PNPLA1: variants seen among roughly 807,000 people sequenced by gnomAD.
PNPLA1 encodes patatin like domain 1, omega-hydroxyceramide transacylase.
A neutral mutation model predicts 51.7 loss-of-function variants in PNPLA1; 36 were observed. The observed-to-expected ratio is 0.70, with a 90% CI of 0.53 to 0.92. The LOEUF (loss-of-function observed/expected upper bound fraction) is 0.92, where lower values mean the gene tolerates loss of function less well. Among genes scored for constraint, PNPLA1 ranks in the 40% least tolerant of loss-of-function variants. The pLI, the probability that PNPLA1 is intolerant of heterozygous loss-of-function variation, is 0.00. For missense variants in PNPLA1, 658 were observed against 682.5 expected, an observed-to-expected ratio of 0.96 and a Z score of 0.40; for synonymous variants, 293 against 280.1, an observed-to-expected ratio of 1.05 and a Z score of -0.46.
rs1451824406 is a variant in PNPLA1 at position 36,300,174 on chromosome 6, T to TGAGAGA, written c.776-1686_776-1685insAGAGAG. Among the ~76,000 whole-genome samples the TGAGAGA allele has an allele frequency of 9.6e-3, 687 of 71,416 alleles. 6 individuals carry two copies. Among genetic ancestry groups the TGAGAGA allele is most frequent in the African/African-American group, 0.019 (483 of 25,620 alleles). The allele number at this position is 71,416 out of a possible 152,430, so 46.9% of individuals were successfully genotyped here. ...CTTTTCTTATTCTTGTGTGTGTGTGTGTGTGAGAGAGAGAGAGAGAGAGAG... is the reference window on the plus strand; with the variant it reads ...CTTTTCTTATTCTTGTGTGTGTGTGTGAGAGAGTGTGAGAGAGAGAGAGAGAGAGAG... On this transcript the variant is annotated intron_variant, in intron 5 of 8. Transcript: ENST00000636260.
intron 1 of PNPLA1, among the ~76,000 whole-genome samples, chr6:36,280,263 T>C (rs58483070): frequency 4.6e-5 from 7 of 152,112 alleles, no homozygotes; most frequent in African/African-American, 1.7e-4. Flanking sequence ...GCAATGTTTT[T>C]CATGGTAATT....
At chr6:36,311,349 C>T (rs1245175731) in intron 8 of PNPLA1, among the ~76,000 whole-genome samples, 1 of 152,034 alleles carries the variant, frequency 6.6e-6, no homozygotes, top group Non-Finnish European at 1.5e-5. Flanking sequence ...ACGGGATGGC[C>T]CAGAACAAGG....
chr6:36,245,165 G>C lies in PNPLA1; in HGVS notation c.-81+1904G>C, dbSNP rs568278351. Among the ~76,000 whole-genome samples the C allele has an allele frequency of 1.3e-3, 204 of 152,266 alleles. 1 individual carries two copies. Among genetic ancestry groups the C allele is most frequent in the Admixed American group, 3.7e-3 (56 of 15,294 alleles). ...AAGGAATGTTGAGCTCTGGCCTGTG[G>C]GTGTGACTTCCTCCAGGCCCCTCAG... On this transcript the variant is annotated intron_variant, in intron 1 of 7. Coordinates refer to the PNPLA1 transcript ENST00000312917.
intron 1 of PNPLA1, among the ~76,000 whole-genome samples, chr6:36,288,160 C>T (rs914322577): frequency 1.5e-4 from 23 of 152,216 alleles, no homozygotes; most frequent in African/African-American, 5.5e-4. Flanking sequence ...GGAATTTATC[C>T]TAAGGAAAAT....
At chr6:36,250,518 G>A (rs760865629) in intron 1 of PNPLA1, among the ~76,000 whole-genome samples, 24 of 152,178 alleles carry the variant, frequency 1.6e-4, no homozygotes, top group Non-Finnish European at 1.8e-4. Flanking sequence ...GCCAATGATA[G>A]TTGGGCATCT....
chr6:36,309,554 G>A (rs1209279769), intron 8 of PNPLA1, among the ~76,000 whole-genome samples: 1 of 152,200 alleles, frequency 6.6e-6, no homozygotes, highest in Non-Finnish European at 1.5e-5. Context: ...AGCGGGAACT[G>A]TGCAATTCAG....
intron 6 of PNPLA1, among the ~76,000 whole-genome samples, chr6:36,303,516 T>C (rs1268382874): frequency 3.3e-5 from 5 of 152,174 alleles, no homozygotes; most frequent in African/African-American, 1.2e-4. Context: ...GCAGAGGAGA[T>C]AACAGGGATA....
intron 1 of PNPLA1, among the ~76,000 whole-genome samples, chr6:36,260,129 C>T (rs985615398): frequency 1.3e-5 from 2 of 151,908 alleles, no homozygotes; most frequent in African/African-American, 4.8e-5. Flanking sequence ...CCCATCTCTA[C>T]AAAAAATTAA....
chr6:36,282,188 AGAAAGAAG>A lies in PNPLA1; in HGVS notation c.206-9128_206-9121del, dbSNP rs1432073780. ...GAAAGAAAGAGACAGAGAGAAAGAAAGAAAGAAGGAAGGAAGGAAGGAAGGGAAGGAAG... is the reference window on the plus strand; with the variant it reads ...GAAAGAAAGAGACAGAGAGAAAGAAAGAAGGAAGGAAGGAAGGGAAGGAAG... On this transcript the variant is annotated intron_variant, in intron 1 of 8. Coordinates refer to ENST00000636260, the MANE Select transcript of PNPLA1 (RefSeq NM_001374623.1). Among the ~76,000 whole-genome samples the A allele has an allele frequency of 5.8e-4, 36 of 61,782 alleles. 1 individual carries two copies. Among genetic ancestry groups the A allele is most frequent in the African/African-American group, 1.5e-3 (33 of 21,966 alleles). The allele number at this position is 61,782 out of a possible 152,430, so 40.5% of individuals were successfully genotyped here. A position where few individuals can be genotyped will look rare whatever the true frequency, so the allele number is the denominator to read the frequency against.
intron 1 of PNPLA1, among the ~76,000 whole-genome samples, chr6:36,288,666 G>A (rs1460699731): frequency 1.3e-5 from 2 of 151,674 alleles, no homozygotes; most frequent in African/African-American, 4.8e-5. Flanking sequence ...CACCTTGTTA[G>A]CCAGGATGGT....
intron 1 of PNPLA1, among the ~76,000 whole-genome samples, chr6:36,279,432 G>T (rs1770209871): frequency 6.6e-6 from 1 of 152,208 alleles, no homozygotes. Context: ...GTGTATTCTG[G>T]TCCACTGGGG....
chr6:36,278,840 C>A (rs1389902773), intron 1 of PNPLA1, among the ~76,000 whole-genome samples: 1 of 152,128 alleles, frequency 6.6e-6, no homozygotes, highest in Admixed American at 6.5e-5. Context: ...TGGCAGTGAG[C>A]AAAGCAGTGG....
chr6:36,285,261 C>T (rs1467911), intron 1 of PNPLA1, among the ~76,000 whole-genome samples: 2 of 152,210 alleles, frequency 1.3e-5, no homozygotes, highest in Non-Finnish European at 2.9e-5. Flanking sequence ...CCCCCTGCTT[C>T]CCGCGCGCCC....
rs191487910 is a variant in PNPLA1, at chr6:36,293,010, C to T, written c.439-51C>T. The T allele has an allele frequency of 9.3e-5, 141 of 1,520,292 alleles. No homozygotes were observed. The African/African-American group carries it at 1.7e-3, about 19-fold the overall frequency. The allele number at this position is 1,520,292 out of a possible 1,614,324, so 94.2% of individuals were successfully genotyped here. On this transcript the variant is annotated intron_variant, in intron 2 of 8. Transcript: ENST00000636260. ...CCCAGGGGCTGACAGGTGAGCTGTCCCCACCCCACCCCCGGGCCTCCAGCA... is the reference window on the plus strand; with the variant it reads ...CCCAGGGGCTGACAGGTGAGCTGTCTCCACCCCACCCCCGGGCCTCCAGCA...
At chr6:36,260,976 A>C (rs1011309668) in intron 1 of PNPLA1, among the ~76,000 whole-genome samples, 3 of 152,082 alleles carry the variant, frequency 2.0e-5, no homozygotes, top group Non-Finnish European at 4.4e-5. Flanking sequence ...GGCATGCACC[A>C]CCACACCCGG....
At chr6:36,297,188 T>C (rs1346418054) in intron 5 of PNPLA1, among the ~76,000 whole-genome samples, 1 of 152,134 alleles carries the variant, frequency 6.6e-6, no homozygotes, top group African/African-American at 2.4e-5. Flanking sequence ...TAGGAACAGA[T>C]ACAACTCCTA....
At position 36,312,446 on chromosome 6, in the gene PNPLA1, G is replaced by A. The variant is rs1771427489; in HGVS notation, c.*560G>A. ...TTGAGATTTCCAATTTCCATGCATT[G>A]GCTATAACAGGCCTGGCTACCTGCT... On this transcript the variant is annotated 3_prime_UTR_variant, in exon 9 of 9. Coordinates refer to ENST00000636260, the MANE Select transcript of PNPLA1 (RefSeq NM_001374623.1). Among the ~76,000 whole-genome samples, 1 of 152,184 alleles carries A rather than the reference G, an allele frequency of 6.6e-6. No individual in the cohort carries two copies. The highest frequency in any genetic ancestry group is 1.5e-5 in the Non-Finnish European group (1 of 68,040).
At chr6:36,243,442 C>T (rs1230691049) in intron 1 of PNPLA1, among the ~76,000 whole-genome samples, 1 of 152,092 alleles carries the variant, frequency 6.6e-6, no homozygotes, top group Non-Finnish European at 1.5e-5. Flanking sequence ...GGGTGAGGGA[C>T]CTACTGCCTG....
At chr6:36,244,954 A>G (rs764827795) in intron 1 of PNPLA1, among the ~76,000 whole-genome samples, 6 of 152,216 alleles carry the variant, frequency 3.9e-5, no homozygotes, top group Non-Finnish European at 7.4e-5. Flanking sequence ...AAGGGTTTTT[A>G]AAGGCAGGGA....
Sources: allele counts gnomAD v4.1 joint callset (sites outside exome capture counted in the v4.1 genomes callset), GRCh38; gene constraint gnomAD v4.1.1; transcripts MANE v1.5; gene names NCBI Gene and HGNC (gene_info 2026-07-23, HGNC 2026-07-21).